Variants in PIBF1 observed in about 807,000 individuals in gnomAD.
The protein encoded by PIBF1 is progesterone-induced-blocking factor 1.
PIBF1 carries 90 observed loss-of-function variants against 112.5 expected under a neutral mutation model. The observed-to-expected ratio is 0.80, with a 90% CI of 0.67 to 0.95. PIBF1 has a LOEUF of 0.95. Among genes scored for constraint, PIBF1 ranks in the 40% least tolerant of loss-of-function variants. PIBF1 has a pLI of 0.00. For missense variants in PIBF1, 915 were observed against 852.3 expected, an observed-to-expected ratio of 1.07 and a Z score of -0.92; for synonymous variants, 301 against 288.6, an observed-to-expected ratio of 1.04 and a Z score of -0.44.
rs138082008 is a variant in PIBF1, at chr13:72,792,223, C to A, written c.253-224C>A. ...GGGCAGTAGAATCACTTGAACCTGGCAGGAGGAGGTGGCAGTGAGCCAAGG... is the reference window on the plus strand; with the variant it reads ...GGGCAGTAGAATCACTTGAACCTGGAAGGAGGAGGTGGCAGTGAGCCAAGG... On this transcript the variant is annotated intron_variant, in intron 2 of 17. Coordinates refer to ENST00000326291, the MANE Select transcript of PIBF1 (RefSeq NM_006346.4). Among the ~76,000 whole-genome samples the A allele has an allele frequency of 9.8e-3, 1,485 of 152,050 alleles. 11 individuals are homozygous for A. The highest frequency in any genetic ancestry group is 0.023 in the Admixed American group (354 of 15,286).
Position 72,836,806 on chromosome 13 carries a change from GATT to G in PIBF1, c.1223+1445_1223+1447del, listed in dbSNP as rs1366253292. Among the ~76,000 whole-genome samples, 11 of 152,168 alleles carry G rather than the reference GATT, an allele frequency of 7.2e-5. No individual in the cohort carries two copies. In the East Asian group the frequency reaches 2.1e-3, roughly 29 times the overall value. Reference sequence around the variant, plus strand: ...CATAAAATGACTCTCATGAAAATCAGATTATTATTTTCCTCATAAATTTGGCTT... The same window carrying G: ...CATAAAATGACTCTCATGAAAATCAGATTATTTTCCTCATAAATTTGGCTT... On this transcript the variant is annotated intron_variant, in intron 9 of 17. Transcript: ENST00000326291.
At chr13:72,962,605 A>C (rs1268858409) in intron 14 of PIBF1, among the ~76,000 whole-genome samples, 1 of 151,962 alleles carries the variant, frequency 6.6e-6, no homozygotes, top group African/African-American at 2.4e-5. Flanking sequence ...TCAAAAAAAA[A>C]AAAAGGAAGA....
intron 12 of PIBF1, among the ~76,000 whole-genome samples, chr13:72,911,942 A>G (rs1294094480): frequency 6.6e-6 from 1 of 151,828 alleles, no homozygotes; most frequent in Non-Finnish European, 1.5e-5. Context: ...TTAGCCTGAC[A>G]TGGTGAGACC....
chr13:72,876,134 CTTTTTTT>C (rs386363749), intron 10 of PIBF1, among the ~76,000 whole-genome samples: 1 of 91,214 alleles, frequency 1.1e-5, no homozygotes. Flanking sequence ...TGTTCAGATT[CTTTTTTT>C]TTTTTTTTTT....
intron 12 of PIBF1, among the ~76,000 whole-genome samples, chr13:72,911,754 A>C (rs1454689738): frequency 6.6e-6 from 1 of 152,210 alleles, no homozygotes; most frequent in African/African-American, 2.4e-5. Context: ...GAAAATATTG[A>C]GGAGAAAATA....
chr13:72,943,424 C>G (rs1406844945), intron 14 of PIBF1, among the ~76,000 whole-genome samples: 1 of 152,162 alleles, frequency 6.6e-6, no homozygotes, highest in Non-Finnish European at 1.5e-5. Context: ...ATTTGATTTT[C>G]ACATATGCAT....
intron 9 of PIBF1, among the ~76,000 whole-genome samples, chr13:72,853,000 G>A (rs2138316119): frequency 6.6e-6 from 1 of 151,818 alleles, no homozygotes; most frequent in East Asian, 1.9e-4. Flanking sequence ...GATTAAGTGA[G>A]CAAAATCATT....
intron 16 of PIBF1, among the ~76,000 whole-genome samples, chr13:72,995,543 T>C (rs1053880578): frequency 5.9e-5 from 9 of 152,154 alleles, no homozygotes; most frequent in Admixed American, 3.9e-4. Context: ...AAAAATGGTC[T>C]CTTCAGTACA....
intron 12 of PIBF1, among the ~76,000 whole-genome samples, chr13:72,909,223 A>G (rs1025529905): frequency 2.0e-4 from 30 of 151,908 alleles, no homozygotes; most frequent in Non-Finnish European, 4.3e-4. Context: ...ATTTTTTATC[A>G]AATTCACTTA....
At chr13:72,947,050 C>T (rs980457851) in intron 14 of PIBF1, among the ~76,000 whole-genome samples, 12 of 152,332 alleles carry the variant, frequency 7.9e-5, no homozygotes, top group African/African-American at 2.6e-4. Context: ...TCCGCACTGC[C>T]CTAGCAGAGG....
At chr13:72,882,530 C>T (rs769523939) in intron 10 of PIBF1, among the ~76,000 whole-genome samples, 4 of 152,126 alleles carry the variant, frequency 2.6e-5, no homozygotes, top group Non-Finnish European at 4.4e-5. Context: ...GATTTGCGAA[C>T]AATCCATCTG....
intron 14 of PIBF1, among the ~76,000 whole-genome samples, chr13:72,954,663 G>T (rs2042391104): frequency 6.6e-6 from 1 of 152,242 alleles, no homozygotes; most frequent in African/African-American, 2.4e-5. Flanking sequence ...TGCTGTGGGA[G>T]TGTGTGTTCT....
intron 12 of PIBF1, among the ~76,000 whole-genome samples, chr13:72,909,836 C>G (rs1419996099): frequency 2.0e-5 from 3 of 152,134 alleles, no homozygotes; most frequent in Admixed American, 1.3e-4. Flanking sequence ...TTTGAGGGTA[C>G]TGTGTTATAA....
chr13:72,812,506 A>G (rs1277013820), intron 5 of PIBF1, among the ~76,000 whole-genome samples: 1 of 152,096 alleles, frequency 6.6e-6, no homozygotes, highest in Non-Finnish European at 1.5e-5. Context: ...CCAAGGCAGG[A>G]GGATTGCTTG....
At chr13:72,822,534 A>T (rs1347084306) in intron 6 of PIBF1, among the ~76,000 whole-genome samples, 2 of 152,134 alleles carry the variant, frequency 1.3e-5, no homozygotes, top group Admixed American at 1.3e-4. Flanking sequence ...ATCATTTATG[A>T]GATGTTGCTA....
chr13:72,788,145 G>GT (rs1405054132), intron 2 of PIBF1, among the ~76,000 whole-genome samples: 1 of 152,232 alleles, frequency 6.6e-6, no homozygotes, highest in African/African-American at 2.4e-5. Context: ...TTTCTGCTCA[G>GT]TGTAAGCCTG....
At chr13:72,922,151 A>G (rs2041320956) in intron 13 of PIBF1, among the ~76,000 whole-genome samples, 1 of 151,420 alleles carries the variant, frequency 6.6e-6, no homozygotes, top group Non-Finnish European at 1.5e-5. Context: ...TTTATTTTTT[A>G]TTTTTTTGTA....
chr13:72,798,088 G>T, intron 5 of PIBF1, 62 bp downstream of exon 5: 1 of 1,517,168 alleles, frequency 6.6e-7, no homozygotes, highest in South Asian at 1.3e-5. Flanking sequence ...AGTCCCTCAG[G>T]ATTTGTGATA....
intron 14 of PIBF1, among the ~76,000 whole-genome samples, chr13:72,938,409 C>G (rs2041928700): frequency 6.6e-6 from 1 of 152,044 alleles, no homozygotes; most frequent in African/African-American, 2.4e-5. Flanking sequence ...CTCTCTCTCT[C>G]TATGGATTTG....
Sources: gnomAD v4.1 joint callset for allele counts (sites outside exome capture counted in the v4.1 genomes callset) on GRCh38, gnomAD v4.1.1 for gene constraint, MANE v1.5 for transcripts, NCBI Gene and HGNC (gene_info 2026-07-23, HGNC 2026-07-21) for gene names.